BLTP3B: variants seen among roughly 807,000 people sequenced by gnomAD.
The protein encoded by BLTP3B is bridge-like lipid transfer protein family member 3B.
chr12:100,045,348 T>C, the BLTP3B span, among the ~76,000 whole-genome samples: 1 of 152,088 alleles, frequency 6.6e-6, no homozygotes, highest in Non-Finnish European at 1.5e-5. Context: ...GACTTCAAAC[T>C]ATACTACAAT....
the BLTP3B span, chr12:100,142,799 G>GA: frequency 1.9e-6 from 2 of 1,046,664 alleles, no homozygotes; most frequent in Non-Finnish European, 2.6e-6. Context: ...CCGCCGCCGA[G>GA]AACCCGGAGC....
chr12:100,119,051 G>A, the BLTP3B span, among the ~76,000 whole-genome samples: 48 of 152,096 alleles, frequency 3.2e-4, no homozygotes, highest in South Asian at 8.7e-3. Context: ...GCAGTGAGCC[G>A]AGATCGCGCC....
At chr12:100,109,409 C>G in the BLTP3B span, among the ~76,000 whole-genome samples, 4 of 152,036 alleles carry the variant, frequency 2.6e-5, no homozygotes, top group African/African-American at 7.2e-5. Flanking sequence ...TGACTACAGT[C>G]AACAATAATT....
the BLTP3B span, among the ~76,000 whole-genome samples, chr12:100,056,043 TAC>T: frequency 2.7e-3 from 415 of 152,344 alleles, 1 homozygote; most frequent in African/African-American, 9.6e-3. Flanking sequence ...CTTCTATTAT[TAC>T]AGAGTTGTCA....
the BLTP3B span, among the ~76,000 whole-genome samples, chr12:100,133,219 G>A: frequency 6.6e-6 from 1 of 152,062 alleles, no homozygotes; most frequent in African/African-American, 2.4e-5. Context: ...TCCAGCCTGG[G>A]TAACAGAGTG....
the BLTP3B span, among the ~76,000 whole-genome samples, chr12:100,103,742 T>G: frequency 5.3e-5 from 8 of 152,166 alleles, no homozygotes; most frequent in African/African-American, 1.7e-4. Context: ...ACTTTAAGGT[T>G]AAAGCTTCTC....
the BLTP3B span, chr12:100,098,246 A>G: frequency 7.9e-7 from 1 of 1,262,476 alleles, no homozygotes. Context: ...AAAGTAATAC[A>G]GAGAAAAGCA....
the BLTP3B span, among the ~76,000 whole-genome samples, chr12:100,045,307 A>G: frequency 6.6e-6 from 1 of 152,344 alleles, no homozygotes; most frequent in African/African-American, 2.4e-5. Context: ...TCCTAAGCCA[A>G]AAGAACAAAG....
At chr12:100,066,851 T>G in the BLTP3B span, among the ~76,000 whole-genome samples, 1 of 151,856 alleles carries the variant, frequency 6.6e-6, no homozygotes, top group Non-Finnish European at 1.5e-5. Context: ...AACAGATACT[T>G]ACAGAACATT....
the BLTP3B span, among the ~76,000 whole-genome samples, chr12:100,076,169 C>G: frequency 1.3e-5 from 2 of 151,380 alleles, no homozygotes; most frequent in African/African-American, 4.9e-5. Context: ...TTTTTCACCC[C>G]CCAAAACCAG....
the BLTP3B span, chr12:100,098,385 T>C: frequency 3.7e-6 from 6 of 1,610,070 alleles, no homozygotes; most frequent in East Asian, 1.3e-4. Flanking sequence ...TACGAGTAAA[T>C]CTCAAATCTC....
chr12:100,039,919 T>G, the BLTP3B span: 2 of 702,482 alleles, frequency 2.8e-6, no homozygotes, highest in Non-Finnish European at 4.0e-6. Flanking sequence ...TAGTATGAGA[T>G]AGAACAACCA....
At chr12:100,092,051 C>T in the BLTP3B span, among the ~76,000 whole-genome samples, 4 of 152,062 alleles carry the variant, frequency 2.6e-5, no homozygotes, top group Non-Finnish European at 5.9e-5. Context: ...TCAAAAGATC[C>T]GCCTGCCTCA....
the BLTP3B span, among the ~76,000 whole-genome samples, chr12:100,107,087 A>G: frequency 6.6e-6 from 1 of 152,004 alleles, no homozygotes; most frequent in Non-Finnish European, 1.5e-5. Flanking sequence ...CAGGAATTTG[A>G]GACCAGCATG....
the BLTP3B span, among the ~76,000 whole-genome samples, chr12:100,119,199 A>G: frequency 6.6e-6 from 1 of 152,216 alleles, no homozygotes; most frequent in African/African-American, 2.4e-5. Context: ...TAACATTAGC[A>G]TAAGAAATAT....
At chr12:100,037,532 TC>T in the BLTP3B span, 14 of 1,546,058 alleles carry the variant, frequency 9.1e-6, no homozygotes, top group Non-Finnish European at 1.2e-5. Context: ...TGTTTTATTG[TC>T]TTTTCATGAA....
the BLTP3B span, among the ~76,000 whole-genome samples, chr12:100,098,706 A>C: frequency 6.6e-6 from 1 of 151,852 alleles, no homozygotes; most frequent in Non-Finnish European, 1.5e-5. Context: ...GTTCAAGCCC[A>C]GCCTGGCCAA....
At chr12:100,060,716 A>G in the BLTP3B span, among the ~76,000 whole-genome samples, 1 of 152,222 alleles carries the variant, frequency 6.6e-6, no homozygotes, top group African/African-American at 2.4e-5. Context: ...ATTAGAGGGT[A>G]TATCACTTCC....
At chr12:100,087,442 T>C in the BLTP3B span, among the ~76,000 whole-genome samples, 1 of 152,200 alleles carries the variant, frequency 6.6e-6, no homozygotes, top group African/African-American at 2.4e-5. Flanking sequence ...CGTAAAACCT[T>C]TGGAAAGCCA....
Sources: gnomAD v4.1 joint callset for allele counts (sites outside exome capture counted in the v4.1 genomes callset) on GRCh38, gnomAD v4.1.1 for gene constraint, MANE v1.5 for transcripts, NCBI Gene and HGNC (gene_info 2026-07-23, HGNC 2026-07-21) for gene names.